The following DYTN variants were observed in gnomAD, a reference collection of about 807,000 sequenced individuals.
The protein encoded by DYTN is dystrotelin.
DYTN carries 75 observed loss-of-function variants against 69.6 expected under a neutral mutation model. The observed-to-expected ratio is 1.08, with a 90% CI of 0.89 to 1.31. The LOEUF (loss-of-function observed/expected upper bound fraction) is 1.31, where lower values mean the gene tolerates loss of function less well. DYTN is among the 50% of genes most tolerant of loss of function. The probability of loss-of-function intolerance (pLI) is 0.00; values close to 1 mark genes in which losing one functional copy is unlikely to be tolerated. For missense variants in DYTN, 726 were observed against 688.4 expected, an observed-to-expected ratio of 1.05 and a Z score of -0.61; for synonymous variants, 252 against 249.1, an observed-to-expected ratio of 1.01 and a Z score of -0.11.
At chr2:206,691,242 G>A (rs995945873) in intron 9 of DYTN, among the ~76,000 whole-genome samples, 4 of 152,044 alleles carry the variant, frequency 2.6e-5, no homozygotes, top group South Asian at 2.1e-4. Flanking sequence ...GTGAAACCCC[G>A]TCTCTACTAA....
At chr2:206,661,874 ATAGTTCCTGACTTATGATGGATTGACT>A (rs1266760846) in intron 11 of DYTN, among the ~76,000 whole-genome samples, 1 of 152,224 alleles carries the variant, frequency 6.6e-6, no homozygotes, top group African/African-American at 2.4e-5. Context: ...GTGTCTATAA[ATAGTTCCTGACTTATGATGGATTGACT>A]TACTATTTTT....
intron 9 of DYTN, among the ~76,000 whole-genome samples, chr2:206,674,912 C>T (rs564159885): frequency 6.6e-5 from 10 of 151,810 alleles, no homozygotes; most frequent in East Asian, 5.8e-4. Context: ...AAAACCATCT[C>T]GAGCCAACAA....
intron 10 of DYTN, among the ~76,000 whole-genome samples, chr2:206,665,650 A>G (rs959368310): frequency 1.4e-5 from 2 of 142,900 alleles, no homozygotes; most frequent in Non-Finnish European, 3.2e-5. Context: ...CCCAAAGTCT[A>G]TTGTTTGTAA....
At chr2:206,681,638 T>C (rs1175882288) in intron 9 of DYTN, among the ~76,000 whole-genome samples, 1 of 152,190 alleles carries the variant, frequency 6.6e-6, no homozygotes, top group Non-Finnish European at 1.5e-5. Context: ...GATGATCATG[T>C]GGTTTTTGTC....
chr2:206,681,412 T>C (rs1699748651), intron 9 of DYTN, among the ~76,000 whole-genome samples: 1 of 152,190 alleles, frequency 6.6e-6, no homozygotes, highest in African/African-American at 2.4e-5. Context: ...AATACTATGT[T>C]GAATAGGAGT....
intron 9 of DYTN, among the ~76,000 whole-genome samples, chr2:206,692,204 G>T (rs961914932): frequency 9.9e-5 from 15 of 151,256 alleles, no homozygotes; most frequent in African/African-American, 3.7e-4. Context: ...ATCCAAGGTT[G>T]CAGTCAGCTA....
chr2:206,669,396 T>C (rs189975723), intron 9 of DYTN, among the ~76,000 whole-genome samples: 42 of 152,238 alleles, frequency 2.8e-4, no homozygotes, highest in African/African-American at 9.9e-4. Context: ...ACACACACAT[T>C]TGAGAATTGG....
intron 7 of DYTN, among the ~76,000 whole-genome samples, chr2:206,695,948 CA>C (rs1559314535): frequency 6.6e-6 from 1 of 152,016 alleles, no homozygotes; most frequent in African/African-American, 2.4e-5. Flanking sequence ...CTTAAGGTTA[CA>C]AAAAAGAAAT....
At chr2:206,660,394 A>G (rs1286500440) in intron 11 of DYTN, among the ~76,000 whole-genome samples, 2 of 152,228 alleles carry the variant, frequency 1.3e-5, no homozygotes, top group African/African-American at 4.8e-5. Context: ...CCTAGCCTAC[A>G]AACAATCTAA....
chr2:206,656,139 TTG>T (rs1699445588), intron 11 of DYTN, among the ~76,000 whole-genome samples: 2 of 152,184 alleles, frequency 1.3e-5, no homozygotes, highest in Non-Finnish European at 2.9e-5. Flanking sequence ...TTGTCAATAA[TTG>T]CTTTATATAT....
At chr2:206,699,616 C>G in intron 7 of DYTN, 111 bp downstream of exon 7, 2 of 1,335,038 alleles carry the variant, frequency 1.5e-6, no homozygotes, top group Non-Finnish European at 2.0e-6. Context: ...AAAAAGTCAA[C>G]TGAATTTCAG....
intron 10 of DYTN, among the ~76,000 whole-genome samples, chr2:206,664,415 G>A (rs1405439541): frequency 2.6e-5 from 4 of 152,156 alleles, no homozygotes; most frequent in South Asian, 2.1e-4. Flanking sequence ...CCAGCACTTC[G>A]GGAGGTAGAG....
At chr2:206,702,521 G>A (rs544849990) in intron 5 of DYTN, among the ~76,000 whole-genome samples, 20 of 152,316 alleles carry the variant, frequency 1.3e-4, no homozygotes, top group Admixed American at 9.8e-4. Flanking sequence ...GTTGCCAGTC[G>A]AATGTAAGTA....
intron 7 of DYTN, among the ~76,000 whole-genome samples, chr2:206,696,754 G>GACC (rs1173726155): frequency 2.0e-5 from 3 of 152,130 alleles, no homozygotes; most frequent in African/African-American, 7.2e-5. Context: ...TCCTAGAATA[G>GACC]ACCACCACTC....
At chr2:206,667,697 C>CAT (rs1553572214) in intron 9 of DYTN, among the ~76,000 whole-genome samples, 6 of 144,038 alleles carry the variant, frequency 4.2e-5, no homozygotes, top group Non-Finnish European at 7.7e-5. Flanking sequence ...TTTGCGTGTG[C>CAT]GTGTGTGTGT....
In DYTN at chr2:206,657,014, G is replaced by T. The variant is rs375679194; in HGVS notation, c.1634-5093C>A. ...CAATCTCAGGTGATCCGCCCACCTCGGCTTCCCAAAGTGCTGGGATTATAG... is the reference window on the plus strand; with the variant it reads ...CAATCTCAGGTGATCCGCCCACCTCTGCTTCCCAAAGTGCTGGGATTATAG... On this transcript the variant is annotated intron_variant, in intron 11 of 11. Transcript: ENST00000452335. 3.3e-5 allele frequency among the ~76,000 whole-genome samples: 5 copies of T among 152,050 alleles called. No homozygotes were observed. The East Asian group carries it at 9.6e-4, about 29-fold the overall frequency.
Position 206,665,871 on chromosome 2 carries a change from T to A in DYTN, c.1139A>T (p.Gln380Leu), listed in dbSNP as rs376857940. 1.2e-6 allele frequency: 2 copies of A among 1,613,360 alleles called. No homozygotes were observed. Among genetic ancestry groups the A allele is most frequent in the Non-Finnish European group, 1.7e-6 (2 of 1,179,676 alleles). Reference sequence around the variant, plus strand: ...GCCAGTGTCCCTCACATTTTATACCTGTAGGTCCCGTCTTATCTGTTGTAG... The same window carrying A: ...GCCAGTGTCCCTCACATTTTATACCAGTAGGTCCCGTCTTATCTGTTGTAG... ...TKLQQIRRDL[Q>L]ARLQPPGPSS... Residue 380 changes from glutamine to leucine, a missense_variant and splice_region_variant, in exon 10 of 12, where the codon CAG (glutamine) becomes CTG (leucine). Coordinates refer to ENST00000452335, the MANE Select transcript of DYTN (RefSeq NM_001093730.1).
chr2:206,654,379 T>C (rs1469357988), intron 11 of DYTN, among the ~76,000 whole-genome samples: 1 of 152,242 alleles, frequency 6.6e-6, no homozygotes, highest in African/African-American at 2.4e-5. Context: ...TTTATGATGA[T>C]CTACTTCCAG....
At chr2:206,707,647 T>C in intron 2 of DYTN, 144 bp from the exon 3 acceptor site, 1 of 776,674 alleles carries the variant, frequency 1.3e-6, no homozygotes, top group Non-Finnish European at 2.0e-6. Flanking sequence ...ATGACTACTA[T>C]TTGGACATAT....
Sources: allele counts gnomAD v4.1 joint callset (sites outside exome capture counted in the v4.1 genomes callset), GRCh38; gene constraint gnomAD v4.1.1; transcripts MANE v1.5; gene names NCBI Gene and HGNC (gene_info 2026-07-23, HGNC 2026-07-21).